TGFBR2: variants seen among roughly 807,000 people sequenced by gnomAD.
The protein encoded by TGFBR2 is transforming growth factor beta receptor 2.
TGFBR2 carries 18 observed loss-of-function variants against 49.0 expected under a neutral mutation model. The ratio of observed to expected loss-of-function variants is 0.37; its 90% CI spans 0.25 to 0.54. TGFBR2 has a LOEUF of 0.54. Ranked by LOEUF, TGFBR2 falls within the 20% of genes least tolerant of loss-of-function variation. The pLI is 0.85. For synonymous variants in TGFBR2, 282 were observed against 275.9 expected, an observed-to-expected ratio of 1.02 and a Z score of -0.22; for missense variants, 525 against 722.6, an observed-to-expected ratio of 0.73 and a Z score of 3.13.
At chr3:30,608,233 G>A (rs1344170949) in intron 1 of TGFBR2, among the ~76,000 whole-genome samples, 8 of 152,048 alleles carry the variant, frequency 5.3e-5, no homozygotes, top group Admixed American at 3.9e-4. Flanking sequence ...CACCGCGCCC[G>A]GCCAAAAGTT....
intron 1 of TGFBR2, among the ~76,000 whole-genome samples, chr3:30,638,834 A>G (rs1698590429): frequency 2.0e-5 from 3 of 152,178 alleles, no homozygotes; most frequent in Admixed American, 1.3e-4. Flanking sequence ...TGACTAGCCA[A>G]TAGCCTTGTC....
intron 1 of TGFBR2, among the ~76,000 whole-genome samples, chr3:30,614,034 C>T (rs1199902519): frequency 6.6e-6 from 1 of 151,494 alleles, no homozygotes; most frequent in Non-Finnish European, 1.5e-5. Flanking sequence ...AGACATAGTG[C>T]TCTATTTCCT....
At chr3:30,658,316 C>G (rs904899291) in intron 3 of TGFBR2, among the ~76,000 whole-genome samples, 4 of 152,142 alleles carry the variant, frequency 2.6e-5, no homozygotes, top group African/African-American at 9.7e-5. Flanking sequence ...CAGTTTTTAC[C>G]CTGTTTTCTC....
intron 1 of TGFBR2, among the ~76,000 whole-genome samples, chr3:30,614,638 G>A (rs1270364655): frequency 6.6e-6 from 1 of 152,114 alleles, no homozygotes; most frequent in Non-Finnish European, 1.5e-5. Context: ...ACCACTTATT[G>A]AGGTCTTGCT....
At chr3:30,656,052 C>T (rs768573908) in intron 3 of TGFBR2, among the ~76,000 whole-genome samples, 4 of 152,168 alleles carry the variant, frequency 2.6e-5, no homozygotes, top group Non-Finnish European at 5.9e-5. Flanking sequence ...GGTGTGAACT[C>T]ACCAGGTAGG....
At chr3:30,661,695 A>G (rs1312375229) in intron 3 of TGFBR2, 1 of 425,688 alleles carries the variant, frequency 2.3e-6, no homozygotes, top group Non-Finnish European at 4.7e-6. Flanking sequence ...TCAAAACAAA[A>G]CAGAAAGAAC....
chr3:30,651,334 A>G (rs1314953285), intron 3 of TGFBR2, among the ~76,000 whole-genome samples: 1 of 152,086 alleles, frequency 6.6e-6, no homozygotes, highest in African/African-American at 2.4e-5. Context: ...TCTATCATTC[A>G]TTCATATTAT....
intron 5 of TGFBR2, among the ~76,000 whole-genome samples, chr3:30,688,015 C>T (rs1699653301): frequency 6.6e-6 from 1 of 152,148 alleles, no homozygotes; most frequent in South Asian, 2.1e-4. Flanking sequence ...CATTGTAATA[C>T]ATAAGATTTT....
intron 6 of TGFBR2, among the ~76,000 whole-genome samples, chr3:30,690,096 G>A (rs190215558): frequency 3.6e-4 from 55 of 152,232 alleles, no homozygotes; most frequent in African/African-American, 1.3e-3. Flanking sequence ...GTTGGTATTA[G>A]AAAACAAGTA....
chr3:30,647,572 A>G (rs555273092), intron 2 of TGFBR2, among the ~76,000 whole-genome samples: 1 of 152,120 alleles, frequency 6.6e-6, no homozygotes, highest in Non-Finnish European at 1.5e-5. Flanking sequence ...TCATTCATTC[A>G]TTCATTCATT....
intron 3 of TGFBR2, among the ~76,000 whole-genome samples, chr3:30,670,265 C>T (rs1244767319): frequency 1.3e-5 from 2 of 152,174 alleles, no homozygotes; most frequent in Non-Finnish European, 2.9e-5. Flanking sequence ...TTTCTCTAAG[C>T]TTTTCCACAT....
chr3:30,653,128 C>T (rs950296784), intron 3 of TGFBR2, among the ~76,000 whole-genome samples: 3 of 152,088 alleles, frequency 2.0e-5, no homozygotes, highest in Non-Finnish European at 4.4e-5. Context: ...GCTTTTTAAG[C>T]ATCTCTTTTC....
chr3:30,644,823 A>AT lies in TGFBR2; in HGVS notation c.175dup (p.Ser59PhefsTer4). The AT allele has an allele frequency of 2.5e-6, 4 of 1,614,106 alleles. No homozygotes were observed. Among genetic ancestry groups the AT allele is most frequent in the Non-Finnish European group, 3.4e-6 (4 of 1,180,010 alleles). On this transcript the variant is annotated frameshift_variant, in exon 2 of 7. Transcript: ENST00000295754. LOFTEE classifies it high-confidence loss of function. ...AACTGTGTAAATTTTGTGATGTGAG[A>AT]TTTTCCACCTGTGACAACCAGAAAT...
At chr3:30,659,356 G>T (rs1293944895) in intron 3 of TGFBR2, among the ~76,000 whole-genome samples, 1 of 152,130 alleles carries the variant, frequency 6.6e-6, no homozygotes, top group East Asian at 1.9e-4. Flanking sequence ...CAGAGCTGAA[G>T]CAGCTTTTTG....
chr3:30,635,758 A>C (rs1364946959), intron 1 of TGFBR2, among the ~76,000 whole-genome samples: 1 of 152,196 alleles, frequency 6.6e-6, no homozygotes, highest in Non-Finnish European at 1.5e-5. Context: ...ATTTATGTTT[A>C]TGCAGTTTTC....
intron 3 of TGFBR2, among the ~76,000 whole-genome samples, chr3:30,669,240 C>T (rs1699297595): frequency 6.6e-6 from 1 of 150,790 alleles, no homozygotes; most frequent in Non-Finnish European, 1.5e-5. Flanking sequence ...GCACTGCTGC[C>T]TGGGTAACAG....
At position 30,671,990 on chromosome 3, in the gene TGFBR2, G is replaced by T. The variant is rs1699347917; in HGVS notation, c.807G>T (p.Glu269Asp). ...CCAAGCTGAAGCAGAACACTTCAGA[G>T]CAGTTTGAGACAGTGGCAGTCAAGA... is the stretch of plus-strand genomic sequence containing the variant. ...YKAKLKQNTSEQFETVAVKIF... is the reference protein window; with the variant it reads ...YKAKLKQNTSDQFETVAVKIF... Residue 269 changes from glutamate to aspartate, a missense_variant, in exon 4 of 7, where the codon GAG becomes GAT. By Grantham distance (45) the Glu-to-Asp change is conservative. Around this residue, in one of 3 missense-constraint regions of TGFBR2, gnomAD observed 376 missense variants for 478.2 expected, o/e 0.79. Coordinates refer to ENST00000295754, the MANE Select transcript of TGFBR2 (RefSeq NM_003242.6). 1 of 1,614,086 alleles carries T rather than the reference G, an allele frequency of 6.2e-7. No individual in the cohort carries two copies. Among genetic ancestry groups the T allele is most frequent in the Non-Finnish European group, 8.5e-7 (1 of 1,180,046 alleles).
At chr3:30,607,813 T>TATAA (rs1491351682) in intron 1 of TGFBR2, among the ~76,000 whole-genome samples, 2 of 137,794 alleles carry the variant, frequency 1.5e-5, no homozygotes, top group Non-Finnish European at 3.0e-5. Context: ...TATATATATA[T>TATAA]TATATATATA....
chr3:30,620,139 ATC>A (rs1698202789), intron 1 of TGFBR2, among the ~76,000 whole-genome samples: 1 of 152,168 alleles, frequency 6.6e-6, no homozygotes, highest in Admixed American at 6.5e-5. Context: ...GTGAGCCGAG[ATC>A]GCGCCACTGC....
Sources: gnomAD v4.1 joint callset for allele counts (sites outside exome capture counted in the v4.1 genomes callset) on GRCh38, gnomAD v4.1.1 for gene constraint, gnomAD v4.1.1 regional missense constraint, MANE v1.5 for transcripts, NCBI Gene and HGNC (gene_info 2026-07-23, HGNC 2026-07-21) for gene names.